SSBP3: variants seen among roughly 807,000 people sequenced by gnomAD.
SSBP3 encodes single-stranded DNA-binding protein 3.
A neutral mutation model predicts 69.6 loss-of-function variants in SSBP3; 5 were observed. The ratio of observed to expected loss-of-function variants is 0.07; its 90% CI spans 0.04 to 0.15. SSBP3 has a LOEUF of 0.15. SSBP3 is among the 10% of genes least tolerant of loss of function. SSBP3 has a pLI of 1.00. For missense variants in SSBP3, 312 were observed against 534.0 expected (o/e 0.58, Z 4.10); for synonymous variants, 196 against 193.4 (o/e 1.01, Z -0.11).
intron 5 of SSBP3, among the ~76,000 whole-genome samples, chr1:54,267,820 T>C (rs148248038): frequency 6.6e-6 from 1 of 152,338 alleles, no homozygotes; most frequent in African/African-American, 2.4e-5. Context: ...AATTATTAGA[T>C]TCCCATCTGT....
At chr1:54,248,007 T>C (rs1313317507) in intron 9 of SSBP3, among the ~76,000 whole-genome samples, 2 of 152,212 alleles carry the variant, frequency 1.3e-5, no homozygotes, top group Non-Finnish European at 2.9e-5. Flanking sequence ...GCGTTGCTGG[T>C]TCCTGTGAGA....
intron 4 of SSBP3, among the ~76,000 whole-genome samples, chr1:54,303,325 C>T (rs1436464731): frequency 6.6e-6 from 1 of 151,350 alleles, no homozygotes; most frequent in East Asian, 1.9e-4. Context: ...ACTTCTGATG[C>T]CTCGCTGCCC....
chr1:54,239,338 G>C (rs1351609146), intron 13 of SSBP3, 139 bp from the exon 14 acceptor site: 1 of 666,402 alleles, frequency 1.5e-6, no homozygotes, highest in Non-Finnish European at 2.5e-6. Context: ...TGGCTAATTT[G>C]TATTTAATGA....
At chr1:54,291,043 G>A (rs1324766108) in intron 4 of SSBP3, among the ~76,000 whole-genome samples, 1 of 152,216 alleles carries the variant, frequency 6.6e-6, no homozygotes, top group Non-Finnish European at 1.5e-5. Context: ...AGTTGCTTCT[G>A]CAAAGTGGAA....
rs573565986 is a variant in SSBP3 at position 54,313,379 on chromosome 1, T to C, written c.277-31852A>G. 4.0e-5 allele frequency among the ~76,000 whole-genome samples: 6 copies of C among 151,428 alleles called. No individual in the cohort carries two copies. In the South Asian group the frequency reaches 8.4e-4, roughly 21 times the overall value. On this transcript the variant is annotated intron_variant, in intron 4 of 17. Coordinates refer to ENST00000610401, the Ensembl canonical transcript of SSBP3. ...CCTGCTTTCTCTTCTGTCTCAAGGC[T>C]TCCCTGCTCCTCAGCCAGGAACTAG...
intron 4 of SSBP3, among the ~76,000 whole-genome samples, chr1:54,320,753 G>A (rs1253923746): frequency 2.6e-5 from 4 of 152,200 alleles, no homozygotes; most frequent in African/African-American, 7.2e-5. Context: ...AAGGAAACCA[G>A]GAGAAAGAGA....
intron 4 of SSBP3, among the ~76,000 whole-genome samples, chr1:54,398,643 CT>C (rs1649065970): frequency 1.3e-5 from 2 of 152,194 alleles, no homozygotes. Flanking sequence ...ATCCCATGGG[CT>C]TTTGTCAACA....
intron 4 of SSBP3, among the ~76,000 whole-genome samples, chr1:54,365,601 G>A (rs559768215): frequency 6.6e-6 from 1 of 152,238 alleles, no homozygotes; most frequent in African/African-American, 2.4e-5. Flanking sequence ...TCACAGAACT[G>A]GGTGGGCGTG....
chr1:54,321,558 G>C (rs1305424300), intron 4 of SSBP3, among the ~76,000 whole-genome samples: 1 of 152,266 alleles, frequency 6.6e-6, no homozygotes, highest in East Asian at 1.9e-4. Context: ...TCTCAGGCCA[G>C]AGGCCTGGGA....
intron 14 of SSBP3, among the ~76,000 whole-genome samples, chr1:54,230,029 C>T (rs1443456416): frequency 3.3e-5 from 5 of 152,188 alleles, no homozygotes; most frequent in East Asian, 3.9e-4. Context: ...GAGCCCATCG[C>T]GGAAATCACT....
At chr1:54,341,749 C>T (rs2100526241) in intron 4 of SSBP3, among the ~76,000 whole-genome samples, 1 of 150,632 alleles carries the variant, frequency 6.6e-6, no homozygotes, top group East Asian at 1.9e-4. Flanking sequence ...CAAGTGGGTA[C>T]ATGACAGGAG....
intron 4 of SSBP3, among the ~76,000 whole-genome samples, chr1:54,301,370 T>G (rs1406721090): frequency 6.6e-6 from 1 of 152,188 alleles, no homozygotes; most frequent in African/African-American, 2.4e-5. Context: ...AGGGGCACAC[T>G]GTACCAGGTG....
intron 5 of SSBP3, among the ~76,000 whole-genome samples, chr1:54,270,477 G>A (rs897161867): frequency 1.3e-5 from 2 of 152,216 alleles, no homozygotes; most frequent in Non-Finnish European, 2.9e-5. Context: ...GCCAAACAGG[G>A]CCTGGTGCTT....
chr1:54,376,116 A>C (rs1647225645), intron 4 of SSBP3, among the ~76,000 whole-genome samples: 1 of 147,276 alleles, frequency 6.8e-6, no homozygotes. Flanking sequence ...CCAGCCATCC[A>C]CTCCTGGACC....
intron 4 of SSBP3, among the ~76,000 whole-genome samples, chr1:54,318,803 T>C (rs1569788341): frequency 6.6e-6 from 1 of 152,184 alleles, no homozygotes; most frequent in African/African-American, 2.4e-5. Flanking sequence ...TCCAGACTAT[T>C]ATATCACTGT....
intron 4 of SSBP3, among the ~76,000 whole-genome samples, chr1:54,354,727 G>C (rs1226076802): frequency 6.6e-6 from 1 of 152,060 alleles, no homozygotes; most frequent in Non-Finnish European, 1.5e-5. Flanking sequence ...CTCTCCAGGG[G>C]AAAGAAATTC....
chr1:54,240,102 G>GCACACACA (rs1644595839), intron 13 of SSBP3, among the ~76,000 whole-genome samples: 2 of 6,030 alleles, frequency 3.3e-4, no homozygotes, highest in Admixed American at 6.8e-3. Flanking sequence ...GCGCGCGCGT[G>GCACACACA]TGCGTGCGCG....
At chr1:54,391,023 A>C (rs983039142) in intron 4 of SSBP3, among the ~76,000 whole-genome samples, 1 of 152,238 alleles carries the variant, frequency 6.6e-6, no homozygotes, top group Admixed American at 6.5e-5. Context: ...TCTCCCAAAG[A>C]AAGCTGCAAA....
At chr1:54,293,645 TCTC>T (rs767518291) in intron 4 of SSBP3, among the ~76,000 whole-genome samples, 2 of 152,098 alleles carry the variant, frequency 1.3e-5, no homozygotes, top group East Asian at 1.9e-4. Flanking sequence ...GCAACACTCT[TCTC>T]CTCTCTACTC....
Sources: gnomAD v4.1 joint callset for allele counts (sites outside exome capture counted in the v4.1 genomes callset) on GRCh38, gnomAD v4.1.1 for gene constraint, MANE v1.5 for transcripts, NCBI Gene and HGNC (gene_info 2026-07-23, HGNC 2026-07-21) for gene names.